ANKS1B: variants seen among roughly 807,000 people sequenced by gnomAD.
ANKS1B encodes the protein ankyrin repeat and sterile alpha motif domain-containing protein 1B.
In ANKS1B, 36 loss-of-function variants were observed where a neutral mutation model predicts 148.3. The observed-to-expected ratio is 0.24, with a 90% confidence interval of 0.19 to 0.32. The LOEUF is 0.32. ANKS1B is among the 10% of genes least tolerant of loss of function. The probability of loss-of-function intolerance (pLI) is 1.00; values close to 1 mark genes in which losing one functional copy is unlikely to be tolerated. For missense variants in ANKS1B, 1,157 were observed against 1,542.6 expected (o/e 0.75, Z 4.19); for synonymous variants, 542 against 560.8 (o/e 0.97, Z 0.47).
At chr12:99,790,320 T>C (rs960905027) in intron 4 of ANKS1B, among the ~76,000 whole-genome samples, 1 of 151,948 alleles carries the variant, frequency 6.6e-6, no homozygotes, top group Non-Finnish European at 1.5e-5. Context: ...ACGAGCAAAA[T>C]CTGAGGGATT....
At chr12:99,719,448 T>C (rs1170044218) in intron 8 of ANKS1B, among the ~76,000 whole-genome samples, 1 of 152,166 alleles carries the variant, frequency 6.6e-6, no homozygotes, top group Non-Finnish European at 1.5e-5. Flanking sequence ...TATTCTTTCA[T>C]GTTCCTCACC....
At chr12:99,363,230 A>G (rs2092587194) in intron 12 of ANKS1B, among the ~76,000 whole-genome samples, 1 of 152,152 alleles carries the variant, frequency 6.6e-6, no homozygotes, top group African/African-American at 2.4e-5. Flanking sequence ...TAGGAAGGTA[A>G]AACTTAAAGG....
At chr12:99,869,241 A>T (rs1251453628) in intron 1 of ANKS1B, among the ~76,000 whole-genome samples, 1 of 152,188 alleles carries the variant, frequency 6.6e-6, no homozygotes, top group Admixed American at 6.5e-5. Flanking sequence ...AATATAAAAA[A>T]ATCAAGAGAA....
chr12:99,902,571 A>G (rs1284840653), intron 1 of ANKS1B, among the ~76,000 whole-genome samples: 1 of 152,132 alleles, frequency 6.6e-6, no homozygotes, highest in Non-Finnish European at 1.5e-5. Context: ...CAATATAGTT[A>G]AGAGGATGGA....
At chr12:98,918,571 A>G (rs976418778) in intron 17 of ANKS1B, among the ~76,000 whole-genome samples, 1 of 152,210 alleles carries the variant, frequency 6.6e-6, no homozygotes, top group Non-Finnish European at 1.5e-5. Context: ...CAGTATTTGT[A>G]GCATTTCTGA....
chr12:98,894,988 G>GACA, intron 17 of ANKS1B: 1 of 766,566 alleles, frequency 1.3e-6, no homozygotes, highest in Non-Finnish European at 1.6e-6. Context: ...CTGCCCTGGC[G>GACA]GCAGCGGCGG....
intron 17 of ANKS1B, among the ~76,000 whole-genome samples, chr12:98,854,563 C>T (rs2099551701): frequency 6.6e-6 from 1 of 152,232 alleles, no homozygotes; most frequent in African/African-American, 2.4e-5. Flanking sequence ...TAGATTTTAA[C>T]ACTTGCACTC....
rs115023200 is a variant in ANKS1B, at chr12:99,913,761, A to G, written c.134+70343T>C. Among the ~76,000 whole-genome samples the G allele has an allele frequency of 3.1e-3, 476 of 152,230 alleles. 3 individuals carry two copies. Among genetic ancestry groups the G allele is most frequent in the African/African-American group, 0.011 (450 of 41,558 alleles). The stretch of plus-strand genomic sequence containing the variant: ...TGGAAAAGTTTGGAAAATTTCAAAA[A>G]TCAAATCACATTTCAAATGGATTAG... On this transcript the variant is annotated intron_variant, in intron 1 of 26. Coordinates refer to ENST00000683438, the MANE Select transcript of ANKS1B (RefSeq NM_001352186.2).
chr12:99,491,737 G>T (rs2096557546), intron 10 of ANKS1B, among the ~76,000 whole-genome samples: 1 of 152,034 alleles, frequency 6.6e-6, no homozygotes. Flanking sequence ...ACAGCCTCTA[G>T]CTCCAAGGCT....
intron 19 of ANKS1B, among the ~76,000 whole-genome samples, chr12:98,816,768 C>T (rs201425): frequency 0.82 from 124,518 of 152,048 alleles, 51,251 homozygotes; most frequent in East Asian, 1. Flanking sequence ...AAATTGCTTT[C>T]TCCGTGGACA....
chr12:99,321,486 G>T (rs966605377), intron 12 of ANKS1B, among the ~76,000 whole-genome samples: 3 of 152,224 alleles, frequency 2.0e-5, no homozygotes, highest in Non-Finnish European at 4.4e-5. Flanking sequence ...GGCTCCATGG[G>T]CATGGGACCC....
chr12:99,554,007 C>T (rs1220792456), intron 9 of ANKS1B, among the ~76,000 whole-genome samples: 4 of 152,120 alleles, frequency 2.6e-5, no homozygotes, highest in Non-Finnish European at 4.4e-5. Flanking sequence ...TCTTCAGCTG[C>T]TAGTAGAAAC....
chr12:98,985,062 T>G (rs1193771064), intron 17 of ANKS1B, among the ~76,000 whole-genome samples: 2 of 152,122 alleles, frequency 1.3e-5, no homozygotes, highest in African/African-American at 4.8e-5. Context: ...TGTAGACAAA[T>G]ATATGTGGTT....
intron 1 of ANKS1B, among the ~76,000 whole-genome samples, chr12:99,903,622 T>C (rs948764534): frequency 1.3e-5 from 2 of 152,174 alleles, no homozygotes; most frequent in African/African-American, 4.8e-5. Context: ...GTAAAGTTAA[T>C]TTTAATAATA....
At chr12:98,872,014 T>G (rs913733277) in intron 17 of ANKS1B, among the ~76,000 whole-genome samples, 3 of 152,218 alleles carry the variant, frequency 2.0e-5, no homozygotes, top group African/African-American at 7.2e-5. Flanking sequence ...TTGGAATATT[T>G]GGTATAAATG....
intron 9 of ANKS1B, among the ~76,000 whole-genome samples, chr12:99,654,000 G>A (rs539161707): frequency 3.3e-5 from 5 of 152,208 alleles, no homozygotes; most frequent in Admixed American, 3.3e-4. Flanking sequence ...GCGTTAGACT[G>A]CAGATGCTGA....
intron 17 of ANKS1B, among the ~76,000 whole-genome samples, chr12:98,873,483 A>G (rs1048395441): frequency 1.3e-5 from 2 of 152,256 alleles, no homozygotes; most frequent in African/African-American, 4.8e-5. Context: ...TAAAAAAGCA[A>G]TAAAATCTGC....
At chr12:99,367,068 C>T (rs1487580360) in intron 12 of ANKS1B, among the ~76,000 whole-genome samples, 3 of 152,074 alleles carry the variant, frequency 2.0e-5, no homozygotes, top group African/African-American at 7.2e-5. Flanking sequence ...CTACTAAATG[C>T]CAATAGCACC....
chr12:99,729,820 A>G lies in ANKS1B; in HGVS notation c.1128+43102T>C, dbSNP rs2058961696. ...TTTTTGTTTAATGACTAGCTGGACT[A>G]TTTTAGTGATGTTCACTGTCATCCT... On this transcript the variant is annotated intron_variant, in intron 8 of 26. Coordinates refer to ENST00000683438, the MANE Select transcript of ANKS1B (RefSeq NM_001352186.2). Among the ~76,000 whole-genome samples the G allele has an allele frequency of 3.3e-5, 5 of 152,336 alleles. No individual in the cohort carries two copies. In the South Asian group the frequency reaches 1.0e-3, roughly 32 times the overall value.
Sources: gnomAD v4.1 joint callset for allele counts (sites outside exome capture counted in the v4.1 genomes callset) on GRCh38, gnomAD v4.1.1 for gene constraint, MANE v1.5 for transcripts, NCBI Gene and HGNC (gene_info 2026-07-23, HGNC 2026-07-21) for gene names.